Variants in SMOC2 observed in about 807,000 individuals in gnomAD.
The protein encoded by SMOC2 is SPARC-related modular calcium-binding protein 2.
Under a neutral mutation model 61.4 loss-of-function variants are expected in SMOC2, and 39 were observed. The observed-to-expected ratio is 0.64, with a 90% CI of 0.49 to 0.83. The LOEUF is 0.83. Ranked by LOEUF, SMOC2 falls within the 40% of genes least tolerant of loss-of-function variation. SMOC2 has a pLI of 0.00. For missense variants in SMOC2, 556 were observed against 592.9 expected, an observed-to-expected ratio of 0.94 and a Z score of 0.65; for synonymous variants, 247 against 239.9, an observed-to-expected ratio of 1.03 and a Z score of -0.27.
At chr6:168,549,327 G>A (rs1784078749) in intron 7 of SMOC2, 124 bp downstream of exon 7, 4 of 768,600 alleles carry the variant, frequency 5.2e-6, no homozygotes, top group Non-Finnish European at 8.6e-6. Context: ...GGTGAGGGGT[G>A]CAGACCTGGC....
chr6:168,622,954 G>T (rs1042854883), intron 9 of SMOC2, among the ~76,000 whole-genome samples: 2 of 152,208 alleles, frequency 1.3e-5, no homozygotes, highest in Non-Finnish European at 2.9e-5. Flanking sequence ...TTGAACTTCC[G>T]AGCAGTCAGC....
chr6:168,649,464 C>T (rs933774772), intron 9 of SMOC2, among the ~76,000 whole-genome samples: 7 of 152,132 alleles, frequency 4.6e-5, no homozygotes, highest in South Asian at 2.1e-4. Context: ...TCAGTGGGGA[C>T]GCTGTCCCTC....
chr6:168,462,535 A>G (rs976706136), intron 1 of SMOC2, among the ~76,000 whole-genome samples: 1 of 151,918 alleles, frequency 6.6e-6, no homozygotes, highest in Non-Finnish European at 1.5e-5. Context: ...CAGGTCCCAC[A>G]TGACCAAGAC....
intron 8 of SMOC2, among the ~76,000 whole-genome samples, chr6:168,607,751 C>G (rs527283444): frequency 2.1e-4 from 16 of 76,718 alleles, no homozygotes; most frequent in African/African-American, 7.3e-4. Context: ...GCACACACTC[C>G]TGCTCTGACG....
intron 1 of SMOC2, among the ~76,000 whole-genome samples, chr6:168,462,265 G>C (rs998898374): frequency 2.0e-5 from 3 of 152,146 alleles, no homozygotes; most frequent in Non-Finnish European, 2.9e-5. Context: ...GACTATGTCC[G>C]TATTCTGAAG....
At chr6:168,596,094 CA>C (rs1562370049) in intron 7 of SMOC2, among the ~76,000 whole-genome samples, 16 of 98,242 alleles carry the variant, frequency 1.6e-4, no homozygotes, top group African/African-American at 4.6e-4. Flanking sequence ...GAGGCATGAA[CA>C]AGCGCCACGT....
chr6:168,453,932 T>G lies in SMOC2; in HGVS notation c.84+12478T>G, dbSNP rs1781522159. 6.6e-6 allele frequency among the ~76,000 whole-genome samples: 1 copy of G among 151,978 alleles called. No individual in the cohort carries two copies. The highest frequency in any genetic ancestry group is 2.4e-5 in the African/African-American group (1 of 41,388). ...TCTTCCTCTCTCTCTGTCTCTCTGA[T>G]TCTATCTTTGGTCTCTGCCATTCTC... On this transcript the variant is annotated intron_variant, in intron 1 of 12. Coordinates refer to ENST00000356284, the MANE Select transcript of SMOC2 (RefSeq NM_001166412.2). The surrounding 1 kb of genome is among the most constrained non-coding windows in gnomAD (Gnocchi z 4.4).
intron 4 of SMOC2, among the ~76,000 whole-genome samples, chr6:168,531,385 A>G (rs961933536): frequency 7.9e-5 from 12 of 152,242 alleles, no homozygotes; most frequent in African/African-American, 2.7e-4. Context: ...GTGCAACGCC[A>G]CTGAAAGCGG....
intron 1 of SMOC2, among the ~76,000 whole-genome samples, chr6:168,488,328 G>A (rs1244161164): frequency 2.6e-5 from 4 of 152,158 alleles, no homozygotes; most frequent in African/African-American, 7.2e-5. Context: ...GCCCATCTGT[G>A]TCTGTTTTCT....
At chr6:168,640,216 T>C (rs1253899985) in intron 9 of SMOC2, among the ~76,000 whole-genome samples, 1 of 149,594 alleles carries the variant, frequency 6.7e-6, no homozygotes, top group African/African-American at 2.5e-5. Flanking sequence ...ATTGTGCTTG[T>C]GTTGCGGTTG....
At chr6:168,468,570 T>C (rs1160444515) in intron 1 of SMOC2, among the ~76,000 whole-genome samples, 1 of 152,252 alleles carries the variant, frequency 6.6e-6, no homozygotes, top group African/African-American at 2.4e-5. Context: ...AGTCTCGCTT[T>C]ACCGCCCAGG....
chr6:168,611,229 TCCCA>T (rs1785853223), intron 9 of SMOC2, among the ~76,000 whole-genome samples: 1 of 144,964 alleles, frequency 6.9e-6, no homozygotes, highest in African/African-American at 2.6e-5. Flanking sequence ...TGGCTGTGGC[TCCCA>T]TGTCTGGCCC....
At chr6:168,585,724 A>G (rs1323420965) in intron 7 of SMOC2, among the ~76,000 whole-genome samples, 1 of 152,198 alleles carries the variant, frequency 6.6e-6, no homozygotes, top group Non-Finnish European at 1.5e-5. Flanking sequence ...CCTCATGGTG[A>G]TGTTTTACCT....
At chr6:168,454,858 C>G (rs920079289) in intron 1 of SMOC2, among the ~76,000 whole-genome samples, 4 of 152,204 alleles carry the variant, frequency 2.6e-5, no homozygotes, top group African/African-American at 9.6e-5. Flanking sequence ...GGCCAGTGTT[C>G]CAGCAGATGC....
At chr6:168,490,713 C>T (rs1282782412) in intron 1 of SMOC2, among the ~76,000 whole-genome samples, 1 of 152,210 alleles carries the variant, frequency 6.6e-6, no homozygotes, top group Non-Finnish European at 1.5e-5. Context: ...GATGCCAGGG[C>T]TCAGGGCTCC....
At chr6:168,601,792 C>T (rs913757734) in intron 8 of SMOC2, among the ~76,000 whole-genome samples, 3 of 152,312 alleles carry the variant, frequency 2.0e-5, no homozygotes, top group African/African-American at 4.8e-5. Context: ...AACCTGCCAA[C>T]GTCCACTATT....
intron 7 of SMOC2, among the ~76,000 whole-genome samples, chr6:168,589,472 C>T (rs952455275): frequency 5.9e-5 from 9 of 152,248 alleles, no homozygotes; most frequent in African/African-American, 2.2e-4. Context: ...GTGTGGCACA[C>T]TCAGGGCCAG....
chr6:168,504,200 G>T (rs1782809330), intron 1 of SMOC2, among the ~76,000 whole-genome samples: 1 of 152,030 alleles, frequency 6.6e-6, no homozygotes, highest in Non-Finnish European at 1.5e-5. Flanking sequence ...AACCTTTTCG[G>T]CATGAGGAAC....
At chr6:168,626,567 CTG>C (rs1786415626) in intron 9 of SMOC2, among the ~76,000 whole-genome samples, 1 of 152,232 alleles carries the variant, frequency 6.6e-6, no homozygotes, top group Non-Finnish European at 1.5e-5. Context: ...CTGCTACAGC[CTG>C]TGTCTCCTCT....
Sources: gnomAD v4.1 joint callset for allele counts (sites outside exome capture counted in the v4.1 genomes callset) on GRCh38, gnomAD v4.1.1 for gene constraint, Gnocchi (gnomAD v3.1) non-coding constraint, MANE v1.5 for transcripts, NCBI Gene and HGNC (gene_info 2026-07-23, HGNC 2026-07-21) for gene names.